TET2: variants seen among roughly 807,000 people sequenced by gnomAD.
The protein encoded by TET2 is tet methylcytosine dioxygenase 2, also known as methylcytosine dioxygenase TET2.
Under a neutral mutation model 142.9 loss-of-function variants are expected in TET2, and 299 were observed. The ratio of observed to expected loss-of-function variants is 2.09; its 90% CI spans 1.90 to 2.30. The LOEUF (loss-of-function observed/expected upper bound fraction) is 2.30, where lower values mean the gene tolerates loss of function less well. TET2 is among the 30% of genes most tolerant of loss of function. TET2 has a pLI of 0.00. For missense variants in TET2, 2,418 were observed against 2,378.0 expected (o/e 1.02, Z -0.35); for synonymous variants, 819 against 849.0 (o/e 0.96, Z 0.61).
chr4:105,242,680 T>G, intron 4 of TET2, 154 bp from the exon 5 acceptor site: 1 of 1,382,494 alleles, frequency 7.2e-7, no homozygotes. Context: ...TTATCCAGTT[T>G]GCTTGGCGTA....
At chr4:105,242,516 A>ATGTTCT in intron 4 of TET2, 1 of 1,133,444 alleles carries the variant, frequency 8.8e-7, no homozygotes, top group South Asian at 3.9e-5. Context: ...ATGTTTTAGA[A>ATGTTCT]GACTGAACTT....
intron 2 of TET2, among the ~76,000 whole-genome samples, chr4:105,213,562 CTG>C (rs1483627708): frequency 6.6e-6 from 1 of 152,160 alleles, no homozygotes; most frequent in Admixed American, 6.5e-5. Context: ...AGATATTTTT[CTG>C]TGTTTTAAGT....
At chr4:105,231,773 A>C (rs185062241) in intron 2 of TET2, among the ~76,000 whole-genome samples, 1 of 152,334 alleles carries the variant, frequency 6.6e-6, no homozygotes, top group Non-Finnish European at 1.5e-5. Flanking sequence ...AGACTGTGGG[A>C]AAATAAAGCA....
At chr4:105,149,904 GTTA>G in intron 1 of TET2, among the ~76,000 whole-genome samples, 2 of 152,336 alleles carry the variant, frequency 1.3e-5, no homozygotes, top group Middle Eastern at 6.8e-3. Context: ...CCAAGGAGTT[GTTA>G]TGAAAGAATT....
At chr4:105,194,551 A>G (rs17430251) in intron 2 of TET2, among the ~76,000 whole-genome samples, 18,080 of 152,198 alleles carry the variant, frequency 0.12, 1,117 homozygotes, top group Middle Eastern at 0.2. Flanking sequence ...AATTTAAGCC[A>G]ATACTTAGAC....
At chr4:105,211,562 TAAG>T (rs941669552) in intron 2 of TET2, among the ~76,000 whole-genome samples, 5 of 152,086 alleles carry the variant, frequency 3.3e-5, no homozygotes, top group African/African-American at 9.7e-5. Context: ...AGAGGAAAAC[TAAG>T]AACAAGGTGT....
intron 9 of TET2, among the ~76,000 whole-genome samples, chr4:105,269,948 A>G (rs1730872673): frequency 6.6e-6 from 1 of 152,226 alleles, no homozygotes; most frequent in African/African-American, 2.4e-5. Context: ...GCAAGAGAAC[A>G]TGTGCAGGGG....
chr4:105,207,547 C>T (rs965225317), intron 2 of TET2, among the ~76,000 whole-genome samples: 2 of 151,994 alleles, frequency 1.3e-5, no homozygotes, highest in African/African-American at 4.8e-5. Flanking sequence ...GCTTCCATTT[C>T]AGTGTCTGTA....
chr4:105,182,856 A>G (rs938306643), intron 1 of TET2, among the ~76,000 whole-genome samples: 3 of 152,130 alleles, frequency 2.0e-5, no homozygotes, highest in Non-Finnish European at 4.4e-5. Context: ...CATGATATTA[A>G]TGTAATGTCT....
Position 105,277,471 on chromosome 4 carries a change from G to A in TET2, c.*952G>A, listed in dbSNP as rs909945546. The A allele has an allele frequency of 5.7e-5, 13 of 226,504 alleles. No homozygotes were observed. Among genetic ancestry groups the A allele is most frequent in the Middle Eastern group, 1.3e-3 (1 of 752 alleles). The allele number at this position is 226,504 out of a possible 1,614,324, so 14.0% of individuals were successfully genotyped here. ...TTGAACAATGCTAAGGTACTGAGAT[G>A]TTTAAAAAACAAGTTTACTTTCATT... On this transcript the variant is annotated 3_prime_UTR_variant, in exon 11 of 11. Transcript: ENST00000380013.
At chr4:105,149,143 A>T (rs116724552) in intron 1 of TET2, among the ~76,000 whole-genome samples, 9,357 of 152,286 alleles carry the variant, frequency 0.061, 384 homozygotes, top group Non-Finnish European at 0.088. Flanking sequence ...ATTCAGAATT[A>T]AAAACAATTC....
At chr4:105,163,839 GA>G (rs1723992659) in intron 1 of TET2, among the ~76,000 whole-genome samples, 1 of 140,362 alleles carries the variant, frequency 7.1e-6, no homozygotes, top group African/African-American at 2.7e-5. Context: ...GAGAGAGAGA[GA>G]GAGAGAGAGA....
In TET2 at chr4:105,199,547, C is replaced by T. The variant is rs558149517; in HGVS notation, c.-47+9042C>T. Reference sequence around the variant, plus strand: ...CATCAAGTGGCTTATTTCTTTTTAACTTTTTTCCTTAAGTTCAGGAGTACA... The same window carrying T: ...CATCAAGTGGCTTATTTCTTTTTAATTTTTTTCCTTAAGTTCAGGAGTACA... On this transcript the variant is annotated intron_variant, in intron 2 of 10. Transcript: ENST00000380013. Among the ~76,000 whole-genome samples the T allele has an allele frequency of 9.5e-4, 145 of 151,986 alleles. 1 individual carries two copies. The Middle Eastern group carries it at 0.01, about 11-fold the overall frequency.
chr4:105,187,111 G>T (rs547283986), intron 1 of TET2, among the ~76,000 whole-genome samples: 2 of 152,170 alleles, frequency 1.3e-5, no homozygotes, highest in Admixed American at 6.5e-5. Context: ...GCTCAGAGAG[G>T]GAAATCCCCC....
chr4:105,230,798 T>A (rs1251409204), intron 2 of TET2, among the ~76,000 whole-genome samples: 1 of 152,208 alleles, frequency 6.6e-6, no homozygotes, highest in African/African-American at 2.4e-5. Flanking sequence ...TTTTATGACT[T>A]CTAGATTTTG....
At chr4:105,193,721 G>T (rs1725918647) in intron 2 of TET2, among the ~76,000 whole-genome samples, 1 of 152,146 alleles carries the variant, frequency 6.6e-6, no homozygotes, top group African/African-American at 2.4e-5. Context: ...GGTATTAAAA[G>T]AAATAGGGAA....
intron 2 of TET2, among the ~76,000 whole-genome samples, chr4:105,228,258 C>G (rs1331627475): frequency 6.6e-6 from 1 of 152,060 alleles, no homozygotes; most frequent in Non-Finnish European, 1.5e-5. Flanking sequence ...GATTTAAAGA[C>G]CAATAACAAA....
intron 8 of TET2, among the ~76,000 whole-genome samples, chr4:105,263,202 C>T (rs888395774): frequency 4.6e-5 from 7 of 152,082 alleles, no homozygotes; most frequent in African/African-American, 7.2e-5. Context: ...CAGCCTTAGA[C>T]GCTAAATAAA....
intron 1 of TET2, among the ~76,000 whole-genome samples, chr4:105,180,553 TAAAA>T (rs899540624): frequency 6.6e-6 from 1 of 152,196 alleles, no homozygotes; most frequent in South Asian, 2.1e-4. Context: ...TCATGACACT[TAAAA>T]AACCTTTCTA....
Sources: allele counts gnomAD v4.1 joint callset (sites outside exome capture counted in the v4.1 genomes callset), GRCh38; gene constraint gnomAD v4.1.1; transcripts MANE v1.5; gene names NCBI Gene and HGNC (gene_info 2026-07-23, HGNC 2026-07-21).